The following FANCL variants were observed in gnomAD, a reference collection of about 807,000 sequenced individuals.
The protein encoded by FANCL is E3 ubiquitin-protein ligase FANCL.
FANCL carries 69 observed loss-of-function variants against 59.4 expected under a neutral mutation model. That is an observed-to-expected ratio of 1.16 (90% CI 0.96 to 1.42). The LOEUF (loss-of-function observed/expected upper bound fraction) is 1.42, where lower values mean the gene tolerates loss of function less well. Ranked by LOEUF, FANCL falls within the 40% of genes most tolerant of loss-of-function variation. The pLI is 0.00. For synonymous variants in FANCL, 180 were observed against 147.1 expected (o/e 1.22, Z -1.62); for missense variants, 519 against 447.2 (o/e 1.16, Z -1.45).
intron 5 of FANCL, among the ~76,000 whole-genome samples, chr2:58,214,596 C>A (rs1573741465): frequency 6.6e-6 from 1 of 152,076 alleles, no homozygotes; most frequent in East Asian, 1.9e-4. Context: ...GCAGCCTCGA[C>A]CTACCCAGGC....
chr2:58,225,064 T>C (rs550369588), intron 4 of FANCL, among the ~76,000 whole-genome samples: 1 of 151,750 alleles, frequency 6.6e-6, no homozygotes, highest in African/African-American at 2.4e-5. Flanking sequence ...CTGGGGCAAC[T>C]GGTATCAGAA....
intron 3 of FANCL, among the ~76,000 whole-genome samples, chr2:58,229,407 CAT>C (rs1558822606): frequency 6.6e-6 from 1 of 152,148 alleles, no homozygotes; most frequent in Non-Finnish European, 1.5e-5. Context: ...TGCAAGTACA[CAT>C]GATCCTAAAT....
At chr2:58,227,834 C>T (rs1440257265) in intron 3 of FANCL, among the ~76,000 whole-genome samples, 2 of 152,072 alleles carry the variant, frequency 1.3e-5, no homozygotes, top group East Asian at 1.9e-4. Context: ...ACTTCCCTGC[C>T]GCCCTTCTGT....
At chr2:58,238,102 C>G (rs1694188213) in intron 1 of FANCL, among the ~76,000 whole-genome samples, 1 of 152,194 alleles carries the variant, frequency 6.6e-6, no homozygotes, top group Non-Finnish European at 1.5e-5. Flanking sequence ...CAGCCCAGGA[C>G]AGCTCTGAAT....
chr2:58,168,420 A>G (rs1010310780), intron 7 of FANCL, among the ~76,000 whole-genome samples: 2 of 152,140 alleles, frequency 1.3e-5, no homozygotes, highest in Admixed American at 1.3e-4. Context: ...ACTCTGGCCC[A>G]GATATGCTTT....
intron 3 of FANCL, 37 bp downstream of exon 3, chr2:58,229,777 C>A (rs954471204): frequency 1.4e-6 from 2 of 1,441,650 alleles, no homozygotes; most frequent in Non-Finnish European, 2.0e-6. Context: ...AATTTCTTAT[C>A]TTCACTGAAA....
chr2:58,225,151 T>A (rs1015030817), intron 4 of FANCL, among the ~76,000 whole-genome samples: 7 of 151,146 alleles, frequency 4.6e-5, no homozygotes, highest in African/African-American at 1.5e-4. Flanking sequence ...TGGGACAATT[T>A]AAGCATCAAA....
chr2:58,182,871 T>C (rs914846245), intron 7 of FANCL, among the ~76,000 whole-genome samples: 5 of 151,666 alleles, frequency 3.3e-5, no homozygotes, highest in African/African-American at 4.8e-5. Flanking sequence ...TCAAAAACTA[T>C]AGTCAAGTAA....
chr2:58,189,926 CT>C (rs910777069), intron 7 of FANCL, among the ~76,000 whole-genome samples: 21 of 150,818 alleles, frequency 1.4e-4, no homozygotes, highest in Middle Eastern at 3.4e-3. Context: ...CCTAATAATC[CT>C]TTTTTTTTCT....
intron 7 of FANCL, among the ~76,000 whole-genome samples, chr2:58,166,683 A>G (rs1461985727): frequency 6.6e-6 from 1 of 152,260 alleles, no homozygotes; most frequent in Non-Finnish European, 1.5e-5. Context: ...CACAAAATGT[A>G]AAGTCACATA....
At chr2:58,191,229 T>C (rs755965406) in intron 7 of FANCL, among the ~76,000 whole-genome samples, 28 of 152,010 alleles carry the variant, frequency 1.8e-4, no homozygotes, top group Admixed American at 8.5e-4. Context: ...TATACTCGCA[T>C]TAAAATAAAT....
intron 7 of FANCL, among the ~76,000 whole-genome samples, chr2:58,177,880 G>A (rs1340053591): frequency 6.6e-6 from 1 of 150,826 alleles, no homozygotes; most frequent in African/African-American, 2.4e-5. Flanking sequence ...GAATCAAATA[G>A]ACACAATAAA....
intron 5 of FANCL, among the ~76,000 whole-genome samples, chr2:58,207,726 T>G (rs1298348035): frequency 6.6e-6 from 1 of 152,158 alleles, no homozygotes; most frequent in Non-Finnish European, 1.5e-5. Context: ...AAAAGAGTGA[T>G]AAACTCTTAC....
chr2:58,185,508 G>A (rs753112210), intron 7 of FANCL, among the ~76,000 whole-genome samples: 1 of 152,072 alleles, frequency 6.6e-6, no homozygotes, highest in African/African-American at 2.4e-5. Context: ...ACCAAATCAC[G>A]AACTTACAAA....
intron 7 of FANCL, chr2:58,194,127 A>G (rs1689201019): frequency 2.3e-6 from 1 of 426,838 alleles, no homozygotes; most frequent in Non-Finnish European, 4.8e-6. Context: ...CCATGATAAA[A>G]AAATATAAAG....
At chr2:58,236,128 C>T (rs892606436) in intron 1 of FANCL, among the ~76,000 whole-genome samples, 1 of 150,506 alleles carries the variant, frequency 6.6e-6, no homozygotes, top group African/African-American at 2.4e-5. Context: ...ACTCAGAGAT[C>T]CAAGAAGCTC....
intron 7 of FANCL, among the ~76,000 whole-genome samples, chr2:58,166,965 G>A (rs925403191): frequency 8.5e-5 from 13 of 152,170 alleles, no homozygotes; most frequent in Non-Finnish European, 1.6e-4. Flanking sequence ...TGTAATCCCA[G>A]CACTCTGGGA....
intron 6 of FANCL, among the ~76,000 whole-genome samples, chr2:58,199,395 A>C (rs1382847884): frequency 2.0e-5 from 3 of 152,196 alleles, no homozygotes; most frequent in Non-Finnish European, 4.4e-5. Flanking sequence ...GTATCAGTTA[A>C]AGGAATTAAG....
intron 4 of FANCL, among the ~76,000 whole-genome samples, chr2:58,222,409 T>C (rs933984138): frequency 1.3e-5 from 2 of 152,072 alleles, no homozygotes; most frequent in African/African-American, 2.4e-5. Context: ...TTTTAAAAAG[T>C]ACCTCTAAAG....
Sources: allele counts gnomAD v4.1 joint callset (sites outside exome capture counted in the v4.1 genomes callset), GRCh38; gene constraint gnomAD v4.1.1; transcripts MANE v1.5; gene names NCBI Gene and HGNC (gene_info 2026-07-23, HGNC 2026-07-21).